XNDC1N: variants seen among roughly 807,000 people sequenced by gnomAD.
The protein encoded by XNDC1N is XRCC1 N-terminal domain containing 1, N-terminal like.
chr11:71,873,828 G>T, the XNDC1N span, among the ~76,000 whole-genome samples: 10 of 152,136 alleles, frequency 6.6e-5, no homozygotes, highest in Admixed American at 4.6e-4. Context: ...TTTAAAAAAC[G>T]TAATTAGATT....
chr11:71,877,215 A>T, the XNDC1N span, among the ~76,000 whole-genome samples: 1 of 152,246 alleles, frequency 6.6e-6, no homozygotes, highest in East Asian at 1.9e-4. Flanking sequence ...AGCACCAAGA[A>T]GAAGCCATGG....
At chr11:71,871,126 C>A in the XNDC1N span, among the ~76,000 whole-genome samples, 2 of 152,232 alleles carry the variant, frequency 1.3e-5, no homozygotes, top group South Asian at 2.1e-4. Context: ...TTGGAATCAA[C>A]CTAAGTGTCT....
the XNDC1N span, among the ~76,000 whole-genome samples, chr11:71,895,835 A>G: frequency 6.6e-6 from 1 of 152,222 alleles, no homozygotes; most frequent in Non-Finnish European, 1.5e-5. Context: ...TGGTATACAC[A>G]CCCAATGAAG....
At chr11:71,889,525 C>CG in the XNDC1N span, among the ~76,000 whole-genome samples, 1 of 152,180 alleles carries the variant, frequency 6.6e-6, no homozygotes, top group Non-Finnish European at 1.5e-5. Context: ...AGGATGGATT[C>CG]GGTTAGCAGA....
chr11:71,899,455 C>A, the XNDC1N span, among the ~76,000 whole-genome samples: 1 of 152,214 alleles, frequency 6.6e-6, no homozygotes, highest in Non-Finnish European at 1.5e-5. Flanking sequence ...AAGACCTGAA[C>A]TTTCAACAAT....
chr11:71,899,069 T>C, the XNDC1N span, among the ~76,000 whole-genome samples: 5 of 152,162 alleles, frequency 3.3e-5, no homozygotes, highest in African/African-American at 7.2e-5. Context: ...TTTCTCTTCT[T>C]CTTCTTGCAT....
the XNDC1N span, among the ~76,000 whole-genome samples, chr11:71,889,142 G>T: frequency 6.6e-6 from 1 of 152,206 alleles, no homozygotes; most frequent in Non-Finnish European, 1.5e-5. Flanking sequence ...TTAGAACTCA[G>T]TGAGGGTGAG....
At chr11:71,893,280 C>G in the XNDC1N span, 1 of 476,538 alleles carries the variant, frequency 2.1e-6, no homozygotes, top group South Asian at 2.2e-5. Context: ...CCTTGTATAG[C>G]AAAAAGTAAA....
At chr11:71,881,506 T>C in the XNDC1N span, among the ~76,000 whole-genome samples, 1 of 152,226 alleles carries the variant, frequency 6.6e-6, no homozygotes, top group East Asian at 1.9e-4. Context: ...GGTTGCCTTC[T>C]TGCCATGTCC....
the XNDC1N span, among the ~76,000 whole-genome samples, chr11:71,870,993 T>C: frequency 6.6e-6 from 1 of 152,294 alleles, no homozygotes; most frequent in African/African-American, 2.4e-5. Flanking sequence ...AAAATAAAAA[T>C]AAAATTACAT....
the XNDC1N span, among the ~76,000 whole-genome samples, chr11:71,871,182 A>G: frequency 2.0e-5 from 3 of 152,214 alleles, no homozygotes; most frequent in Non-Finnish European, 4.4e-5. Flanking sequence ...TATACACAGT[A>G]GAATACTATT....
the XNDC1N span, chr11:71,916,489 C>T: frequency 2.0e-6 from 1 of 499,410 alleles, no homozygotes; most frequent in Non-Finnish European, 3.6e-6. Flanking sequence ...TCCTCTGTCA[C>T]AGTTCCACAC....
At chr11:71,902,340 C>T in the XNDC1N span, among the ~76,000 whole-genome samples, 6 of 152,302 alleles carry the variant, frequency 3.9e-5, no homozygotes, top group East Asian at 3.9e-4. Flanking sequence ...TACAGGCGCA[C>T]GCCGCCATAC....
the XNDC1N span, among the ~76,000 whole-genome samples, chr11:71,920,248 G>A: frequency 2.6e-5 from 4 of 151,800 alleles, no homozygotes; most frequent in East Asian, 7.8e-4. Context: ...GTGAGCCACC[G>A]TGCCCGGCCC....
chr11:71,886,129 G>C, the XNDC1N span, among the ~76,000 whole-genome samples: 18 of 152,234 alleles, frequency 1.2e-4, no homozygotes, highest in East Asian at 1.4e-3. Flanking sequence ...TGGTCACGTG[G>C]TGGAGAGGCG....
the XNDC1N span, among the ~76,000 whole-genome samples, chr11:71,897,473 A>C: frequency 1.3e-5 from 2 of 152,226 alleles, no homozygotes; most frequent in African/African-American, 4.8e-5. Flanking sequence ...TAAGCATCTA[A>C]GGTGATGTTC....
At chr11:71,915,309 G>A in the XNDC1N span, among the ~76,000 whole-genome samples, 2 of 152,054 alleles carry the variant, frequency 1.3e-5, no homozygotes, top group African/African-American at 2.4e-5. Flanking sequence ...TTAGCCGGGC[G>A]TGGTGGCAGG....
At chr11:71,875,629 A>T in the XNDC1N span, among the ~76,000 whole-genome samples, 2 of 148,510 alleles carry the variant, frequency 1.3e-5, no homozygotes, top group Non-Finnish European at 3.0e-5. Context: ...AGCATTCATT[A>T]AAAAAAAAAC....
At chr11:71,928,545 T>A in the XNDC1N span, 27 of 702,614 alleles carry the variant, frequency 3.8e-5, no homozygotes, top group Admixed American at 4.4e-4. Flanking sequence ...AAATGAGTCC[T>A]ACCGAGGCAA....
Sources: allele counts gnomAD v4.1 joint callset (sites outside exome capture counted in the v4.1 genomes callset), GRCh38; gene constraint gnomAD v4.1.1; transcripts MANE v1.5; gene names NCBI Gene and HGNC (gene_info 2026-07-23, HGNC 2026-07-21).